Variants in SLC39A8 observed in about 807,000 individuals in gnomAD.
The protein encoded by SLC39A8 is solute carrier family 39 member 8.
Under a neutral mutation model 40.4 loss-of-function variants are expected in SLC39A8, and 15 were observed. The observed-to-expected ratio is 0.37, with a 90% CI of 0.25 to 0.57. The LOEUF (loss-of-function observed/expected upper bound fraction) is 0.57. Ranked by LOEUF, SLC39A8 falls within the 20% of genes least tolerant of loss-of-function variation. The pLI is 0.75. For missense variants in SLC39A8, 472 were observed against 558.8 expected, an observed-to-expected ratio of 0.84 and a Z score of 1.57; for synonymous variants, 223 against 221.6, an observed-to-expected ratio of 1.01 and a Z score of -0.06.
intron 6 of SLC39A8, among the ~76,000 whole-genome samples, chr4:102,297,829 G>T (rs527306467): frequency 1.8e-4 from 27 of 151,986 alleles, no homozygotes; most frequent in Non-Finnish European, 3.1e-4. Flanking sequence ...GAGGTGGGAG[G>T]ATCCCTTGAG....
At chr4:102,273,480 G>C (rs750292467) in intron 6 of SLC39A8, among the ~76,000 whole-genome samples, 6 of 152,126 alleles carry the variant, frequency 3.9e-5, no homozygotes, top group Non-Finnish European at 5.9e-5. Flanking sequence ...CATCTCCCTG[G>C]GTCAGTGCAC....
Position 102,340,314 on chromosome 4 carries a change from T to C in SLC39A8, c.219+4130A>G, listed in dbSNP as rs7681842. The stretch of plus-strand genomic sequence containing the variant: ...CATAAGCAGAAAACTGTAATACATA[T>C]AAAATAATTTACATGTTATAATATA... On this transcript the variant is annotated intron_variant, in intron 2 of 8. Transcript: ENST00000356736. 2.3e-3 allele frequency among the ~76,000 whole-genome samples: 357 copies of C among 152,246 alleles called. 2 individuals carry two copies. Among genetic ancestry groups the C allele is most frequent in the African/African-American group, 8.2e-3 (339 of 41,532 alleles).
At chr4:102,329,576 T>G (rs1735357414) in intron 2 of SLC39A8, among the ~76,000 whole-genome samples, 1 of 143,916 alleles carries the variant, frequency 6.9e-6, no homozygotes, top group Admixed American at 7.3e-5. Flanking sequence ...TGAGCTGAGA[T>G]AGTGCCACTG....
intron 2 of SLC39A8, among the ~76,000 whole-genome samples, chr4:102,329,701 C>T (rs1254672894): frequency 6.6e-6 from 1 of 151,628 alleles, no homozygotes; most frequent in African/African-American, 2.4e-5. Flanking sequence ...TTACAGAACT[C>T]TCCACCCCAA....
chr4:102,341,204 G>A (rs1000381029), intron 2 of SLC39A8, among the ~76,000 whole-genome samples: 9 of 152,190 alleles, frequency 5.9e-5, no homozygotes, highest in Admixed American at 3.9e-4. Context: ...CACTACAGGA[G>A]ATGGGCTGCA....
intron 6 of SLC39A8, among the ~76,000 whole-genome samples, chr4:102,282,720 T>TTTTGTTTG (rs1162165888): frequency 2.0e-5 from 3 of 151,960 alleles, no homozygotes; most frequent in Non-Finnish European, 4.4e-5. Context: ...CAAGGCAGTT[T>TTTTGTTTG]TTTGTTTGTT....
rs554620906 is a variant in SLC39A8, at chr4:102,314,625, G to A, written c.382+1043C>T. Among the ~76,000 whole-genome samples the A allele has an allele frequency of 1.2e-4, 18 of 152,154 alleles. 1 individual carries two copies. The South Asian group carries it at 3.5e-3, about 30-fold the overall frequency. On this transcript the variant is annotated intron_variant, in intron 3 of 8. Transcript: ENST00000356736. ...AGCTCATTGCCAAGCTATGTTGGCT[G>A]TGCCCTCAATCAAGAATGCTCTTCA...
exon 12 of SLC39A8, chr4:102,251,849 G>A (rs1485567858): frequency 6.6e-6 from 1 of 152,238 alleles, no homozygotes; most frequent in Non-Finnish European, 1.5e-5. Context: ...TCTCCCATGT[G>A]GGAATTTCAT....
At chr4:102,311,953 T>C (rs1259835842) in intron 3 of SLC39A8, among the ~76,000 whole-genome samples, 1 of 152,008 alleles carries the variant, frequency 6.6e-6, no homozygotes, top group Non-Finnish European at 1.5e-5. Flanking sequence ...AACAATAGGA[T>C]AACACAGGGG....
chr4:102,280,377 C>T (rs1218251660), intron 6 of SLC39A8, among the ~76,000 whole-genome samples: 1 of 152,034 alleles, frequency 6.6e-6, no homozygotes, highest in Non-Finnish European at 1.5e-5. Context: ...TTGACATATC[C>T]AAAGTCTAAT....
intron 6 of SLC39A8, among the ~76,000 whole-genome samples, chr4:102,295,444 A>C (rs986416673): frequency 6.6e-6 from 1 of 152,102 alleles, no homozygotes; most frequent in Non-Finnish European, 1.5e-5. Flanking sequence ...ACTGTTCTCC[A>C]AACAGAGTAA....
chr4:102,263,127 T>C lies in SLC39A8; in HGVS notation c.1300A>G (p.Met434Val), dbSNP rs757557856. The change falls in exon 9 of 9, where the codon ATG becomes GTG. Residue 434 changes from methionine (M) to valine (V), a missense_variant. Physicochemically the swap from Met to Val is conservative, Grantham distance 21. Around this residue, in one of 4 missense-constraint regions of SLC39A8, gnomAD observed 50 missense variants for 50.5 expected, o/e 0.99. Coordinates refer to ENST00000356736, the MANE Select transcript of SLC39A8 (RefSeq NM_001135146.2). ...TGRKTDFTFFMIQNAGMLTGF... is the reference protein window; with the variant it reads ...TGRKTDFTFFVIQNAGMLTGF... Reference sequence around the variant, plus strand: ...GTTAACATTCCAGCATTCTGAATCATGAAGAAGGTGAAATCGGTTTTTCTT... The same window carrying C: ...GTTAACATTCCAGCATTCTGAATCACGAAGAAGGTGAAATCGGTTTTTCTT... 3.1e-6 allele frequency: 5 copies of C among 1,613,772 alleles called. No homozygotes were observed. The highest frequency in any genetic ancestry group is 4.2e-6 in the Non-Finnish European group (5 of 1,179,816).
chr4:102,290,153 A>T (rs998833137), intron 6 of SLC39A8, among the ~76,000 whole-genome samples: 2 of 152,172 alleles, frequency 1.3e-5, no homozygotes, highest in African/African-American at 4.8e-5. Flanking sequence ...ACGGCCCTCC[A>T]CTTACAAAAA....
downstream of SLC39A8, among the ~76,000 whole-genome samples, chr4:102,258,378 C>T (rs1414747182): frequency 6.6e-6 from 1 of 152,060 alleles, no homozygotes; most frequent in East Asian, 1.9e-4. Context: ...GACTGGCTAG[C>T]CCTTCTCCTA....
exon 12 of SLC39A8, chr4:102,252,160 C>T (rs1731607413): frequency 3.9e-5 from 6 of 152,326 alleles, no homozygotes; most frequent in Admixed American, 3.9e-4. Context: ...GCTTCTTTTC[C>T]ATCTCCCCTG....
intron 6 of SLC39A8, among the ~76,000 whole-genome samples, chr4:102,270,840 G>A (rs574840269): frequency 2.6e-5 from 4 of 152,150 alleles, no homozygotes; most frequent in East Asian, 1.9e-4. Context: ...AATAGAGGGA[G>A]ACTATGTTGA....
In SLC39A8 at chr4:102,268,207, G is replaced by T. The variant is rs183297355; in HGVS notation, c.841-128C>A. On this transcript the variant is annotated intron_variant, in intron 6 of 8. Transcript: ENST00000356736. ...ACAGAAAGTCTTTTAGAGTAACTAGGAAACCCTAATAATATATAACAGAGC... is the reference window on the plus strand; with the variant it reads ...ACAGAAAGTCTTTTAGAGTAACTAGTAAACCCTAATAATATATAACAGAGC... The T allele has an allele frequency of 1.6e-5, 14 of 882,402 alleles. No individual in the cohort carries two copies. In the Admixed American group the frequency reaches 3.3e-4, roughly 21 times the overall value. 54.7% of individuals were successfully genotyped at this position (882,402 alleles called of 1,614,324 possible). A position where few individuals can be genotyped will look rare whatever the true frequency, so the allele number is the denominator to read the frequency against.
intron 2 of SLC39A8, among the ~76,000 whole-genome samples, chr4:102,320,905 G>A (rs1055979484): frequency 8.6e-5 from 13 of 151,316 alleles, no homozygotes; most frequent in Admixed American, 7.9e-4. Flanking sequence ...TTAGGCACTG[G>A]TTTTTTAACA....
intron 3 of SLC39A8, among the ~76,000 whole-genome samples, chr4:102,315,312 A>G (rs1013418148): frequency 3.3e-5 from 5 of 152,174 alleles, no homozygotes; most frequent in African/African-American, 1.2e-4. Context: ...AAGCTTTAAA[A>G]TAATATGGTA....
Sources: gnomAD v4.1 joint callset for allele counts (sites outside exome capture counted in the v4.1 genomes callset) on GRCh38, gnomAD v4.1.1 for gene constraint, gnomAD v4.1.1 regional missense constraint, MANE v1.5 for transcripts, NCBI Gene and HGNC (gene_info 2026-07-23, HGNC 2026-07-21) for gene names.